Variants in MATK observed in about 807,000 individuals in gnomAD.
MATK encodes the protein megakaryocyte-associated tyrosine-protein kinase.
Under a neutral mutation model 59.8 loss-of-function variants are expected in MATK, and 41 were observed. The ratio of observed to expected loss-of-function variants is 0.69; its 90% CI spans 0.53 to 0.89. The LOEUF (loss-of-function observed/expected upper bound fraction) is 0.89, where lower values mean the gene tolerates loss of function less well. Ranked by LOEUF, MATK falls within the 40% of genes least tolerant of loss-of-function variation. The probability of loss-of-function intolerance (pLI) is 0.00; values close to 1 mark genes in which losing one functional copy is unlikely to be tolerated. For missense variants in MATK, 593 were observed against 719.6 expected, an observed-to-expected ratio of 0.82 and a Z score of 2.01; for synonymous variants, 308 against 306.1, an observed-to-expected ratio of 1.01 and a Z score of -0.06.
intron 1 of MATK, among the ~76,000 whole-genome samples, chr19:3,800,294 G>A (rs2037631234): frequency 6.6e-6 from 1 of 152,082 alleles, no homozygotes; most frequent in Admixed American, 6.6e-5. Context: ...AAGCAAGATG[G>A]TAAAAATGAC....
chr19:3,783,139 C>T lies in MATK; in HGVS notation c.663G>A (p.Glu221=). ...KRKHGTKSAE[E]ELARAGWLLN... is the part of the protein sequence containing the mutation. ...GGCGTCCCCTACCCCTGGCCAGCTC[C>T]TCCTCGGCCGACTTGGTCCCGTGTT... Residue 221 remains glutamate (E), a synonymous_variant, in exon 7 of 14, where the codon GAG becomes GAA. Coordinates refer to ENST00000310132, the MANE Select transcript of MATK (RefSeq NM_139355.3). 1 of 1,614,056 alleles carries T rather than the reference C, an allele frequency of 6.2e-7. No individual in the cohort carries two copies.
At chr19:3,779,652 G>A in intron 9 of MATK, 35 bp from the exon 10 acceptor site, 1 of 1,610,176 alleles carries the variant, frequency 6.2e-7, no homozygotes, top group Non-Finnish European at 8.5e-7. Context: ...GGGCAGGGCT[G>A]GGACCCCCCC....
chr19:3,779,643 G>A (rs1304713966), intron 9 of MATK, 26 bp from the exon 10 acceptor site: 1 of 1,610,842 alleles, frequency 6.2e-7, no homozygotes, highest in Non-Finnish European at 8.5e-7. Flanking sequence ...TGGGCGTGAG[G>A]GCAGGGCTGG....
chr19:3,780,899 C>CT (rs779317808), intron 8 of MATK, among the ~76,000 whole-genome samples: 34 of 150,952 alleles, frequency 2.3e-4, no homozygotes, highest in East Asian at 1.2e-3. Flanking sequence ...CTGTGCCTGG[C>CT]TTTTTTTTTG....
rs765040804 is a variant in MATK, at chr19:3,779,469, T to C, written c.928-18A>G. 2 of 1,612,758 alleles carry C rather than the reference T, an allele frequency of 1.2e-6. No homozygotes were observed. The highest frequency in any genetic ancestry group is 3.3e-5 in the Admixed American group (2 of 60,002). ...AGGTTGCCCTGTTGGGGGTGGGAGA[T>C]GGCCGCGGGATGTTGGGGCTGCTCC... is the stretch of plus-strand genomic sequence containing the variant. On this transcript the variant is annotated intron_variant, in intron 10 of 13. Coordinates refer to ENST00000310132, the MANE Select transcript of MATK (RefSeq NM_139355.3).
upstream of MATK, chr19:3,787,824 TG>T (rs1221267787): frequency 1.3e-5 from 2 of 152,016 alleles, no homozygotes; most frequent in African/African-American, 4.8e-5. Context: ...TGTCTGGACT[TG>T]GGGGCATCAC....
chr19:3,784,088 TG>T, intron 5 of MATK, 35 bp downstream of exon 5: 1 of 1,591,094 alleles, frequency 6.3e-7, no homozygotes, highest in South Asian at 1.1e-5. Context: ...GGTCACTTGC[TG>T]TCCCCTACCC....
At chr19:3,799,365 G>A (rs997508650) in intron 1 of MATK, among the ~76,000 whole-genome samples, 4 of 152,152 alleles carry the variant, frequency 2.6e-5, no homozygotes, top group African/African-American at 7.2e-5. Context: ...CCCTCACTGC[G>A]TGAAGTGACG....
chr19:3,787,324 C>T (rs758266628), upstream of MATK: 3 of 151,512 alleles, frequency 2.0e-5, no homozygotes, highest in African/African-American at 7.3e-5. Flanking sequence ...AAGGGGTAGC[C>T]TCAGGAGGGG....
At chr19:3,780,713 T>C (rs895038616) in intron 8 of MATK, among the ~76,000 whole-genome samples, 3 of 151,902 alleles carry the variant, frequency 2.0e-5, no homozygotes, top group African/African-American at 7.3e-5. Flanking sequence ...ATTACAGGCA[T>C]GAGCCACTGT....
intron 8 of MATK, among the ~76,000 whole-genome samples, chr19:3,780,845 C>G (rs1327197887): frequency 6.6e-6 from 1 of 152,082 alleles, no homozygotes; most frequent in Non-Finnish European, 1.5e-5. Context: ...AAGGGATCCT[C>G]CCATCCCGGC....
intron 1 of MATK, among the ~76,000 whole-genome samples, chr19:3,796,045 A>G (rs2037591720): frequency 6.6e-6 from 1 of 152,048 alleles, no homozygotes; most frequent in Admixed American, 6.6e-5. Context: ...TACACGTGTG[A>G]GCCACCAGCT....
intron 8 of MATK, among the ~76,000 whole-genome samples, chr19:3,780,467 G>A (rs947329541): frequency 2.0e-5 from 3 of 151,166 alleles, no homozygotes; most frequent in African/African-American, 4.9e-5. Flanking sequence ...TTGCTCTGTC[G>A]CCCAGGCTGG....
chr19:3,778,136 T>C lies in MATK; in HGVS notation c.*47A>G. On this transcript the variant is annotated 3_prime_UTR_variant, in exon 14 of 14. Transcript: ENST00000310132. ...CCTGGTCAGTGCCCCCACGCCGCAC[T>C]CTCCACTCTCTCGGTCCTCTGGGGC... 6.6e-7 allele frequency: 1 copy of C among 1,522,714 alleles called. No homozygotes were observed. Among genetic ancestry groups the C allele is most frequent in the Non-Finnish European group, 8.8e-7 (1 of 1,141,650 alleles). The allele number at this position is 1,522,714 out of a possible 1,614,324, so 94.3% of individuals were successfully genotyped here. A position where few individuals can be genotyped will look rare whatever the true frequency, so the allele number is the denominator to read the frequency against.
Position 3,778,243 on chromosome 19 carries a change from T to C in MATK, c.1464A>G (p.Pro488=). 1 of 1,576,304 alleles carries C rather than the reference T, an allele frequency of 6.3e-7. No individual in the cohort carries two copies. Among genetic ancestry groups the C allele is most frequent in the Non-Finnish European group, 8.5e-7 (1 of 1,170,958 alleles). ...LARELRSAGA[P]ASVSGQDADG... Reference sequence around the variant, plus strand: ...CGGCGTCCTGCCCTGAGACGGAGGCTGGGGCACCTGCACTGCGTAGCTCCC... The same window carrying C: ...CGGCGTCCTGCCCTGAGACGGAGGCCGGGGCACCTGCACTGCGTAGCTCCC... Residue 488 remains proline (P), a synonymous_variant, in exon 14 of 14, where the codon CCA becomes CCG. Coordinates refer to ENST00000310132, the MANE Select transcript of MATK (RefSeq NM_139355.3).
chr19:3,784,342 C>A lies in MATK; in HGVS notation c.242G>T (p.Cys81Phe). ...CACCCGCCGGCCACCTCTCACCTCG[C>A]AGGCCTCCAGGATGGTGACCACGTC... ...KGDVVTILEACENKSWYRVKH... is the reference protein window; with the variant it reads ...KGDVVTILEAFENKSWYRVKH... Residue 81 changes from cysteine (C) to phenylalanine (F), a missense_variant, in exon 4 of 14, where the codon TGC becomes TTC. Cys to Phe is a radical substitution (Grantham distance 205, BLOSUM62 -2). Coordinates refer to ENST00000310132, the MANE Select transcript of MATK (RefSeq NM_139355.3). 1 of 1,604,242 alleles carries A rather than the reference C, an allele frequency of 6.2e-7. No individual in the cohort carries two copies. The highest frequency in any genetic ancestry group is 8.5e-7 in the Non-Finnish European group (1 of 1,176,006).
In MATK at chr19:3,784,322, G is replaced by A. The variant is rs374900752; in HGVS notation, c.246+16C>T. 2.9e-5 allele frequency: 46 copies of A among 1,594,308 alleles called. No homozygotes were observed. In the African/African-American group the frequency reaches 4.4e-4, roughly 15 times the overall value. Reference sequence around the variant, plus strand: ...CCCCCAGCCCCAAGCACCCACACCCGCCGGCCACCTCTCACCTCGCAGGCC... The same window carrying A: ...CCCCCAGCCCCAAGCACCCACACCCACCGGCCACCTCTCACCTCGCAGGCC... On this transcript the variant is annotated intron_variant, in intron 4 of 13. Coordinates refer to ENST00000310132, the MANE Select transcript of MATK (RefSeq NM_139355.3).
At position 3,779,542 on chromosome 19, in the gene MATK, G is replaced by T. The variant is rs2037369012; in HGVS notation, c.918C>A (p.His306Gln). ...LHQGLYIVME[H>Q]VSKGNLVNFL... is the part of the protein sequence containing the mutation. ...CTGGGCCCCGCCCCACCTTGCTCAC[G>T]TGCTCCATGACAATGTACAGCCCCT... Residue 306 changes from histidine to glutamine, a missense_variant, in exon 10 of 14, where the codon CAC (histidine) becomes CAA (glutamine). Coordinates refer to ENST00000310132, the MANE Select transcript of MATK (RefSeq NM_139355.3). 1 of 1,611,610 alleles carries T rather than the reference G, an allele frequency of 6.2e-7. No homozygotes were observed.
Position 3,785,242 on chromosome 19 carries a change from T to A in MATK, c.-107A>T. The A allele has an allele frequency of 6.3e-7, 1 of 1,577,774 alleles. No individual in the cohort carries two copies. The highest frequency in any genetic ancestry group is 8.6e-7 in the Non-Finnish European group (1 of 1,165,206). ...CAGGCCAGTCGGCTGGCACAGGAGG[T>A]AGGGAGCTGGGTGCCACTGGACCGA... On this transcript the variant is annotated 5_prime_UTR_variant, in exon 2 of 14. Coordinates refer to ENST00000310132, the MANE Select transcript of MATK (RefSeq NM_139355.3).
Sources: gnomAD v4.1 joint callset for allele counts (sites outside exome capture counted in the v4.1 genomes callset) on GRCh38, gnomAD v4.1.1 for gene constraint, MANE v1.5 for transcripts, NCBI Gene and HGNC (gene_info 2026-07-23, HGNC 2026-07-21) for gene names.